LYZ: variants seen among roughly 807,000 people sequenced by gnomAD.
LYZ encodes the protein lysozyme.
LYZ carries 18 observed loss-of-function variants against 15.8 expected under a neutral mutation model. The ratio of observed to expected loss-of-function variants is 1.14; its 90% confidence interval spans 0.79 to 1.69. LYZ has a LOEUF of 1.69. Ranked by LOEUF, LYZ falls within the 40% of genes most tolerant of loss-of-function variation. The probability of loss-of-function intolerance (pLI) is 0.00; values close to 1 mark genes in which losing one functional copy is unlikely to be tolerated. For synonymous variants in LYZ, 60 were observed against 61.7 expected, an observed-to-expected ratio of 0.97 and a Z score of 0.13; for missense variants, 139 against 182.8, an observed-to-expected ratio of 0.76 and a Z score of 1.38.
chr12:69,349,387 C>G (rs1874792102), intron 1 of LYZ, among the ~76,000 whole-genome samples: 3 of 152,194 alleles, frequency 2.0e-5, no homozygotes, highest in Admixed American at 2.0e-4. Context: ...TCCCTTCAGT[C>G]ACTCTTTGTA....
intron 2 of LYZ, among the ~76,000 whole-genome samples, chr12:69,351,381 TTTATA>T (rs1874841359): frequency 6.6e-6 from 1 of 151,406 alleles, no homozygotes; most frequent in Non-Finnish European, 1.5e-5. Context: ...ATTAAAAAAA[TTTATA>T]TTATATAATA....
intron 2 of LYZ, among the ~76,000 whole-genome samples, chr12:69,351,252 C>A (rs571437062): frequency 1.3e-5 from 2 of 151,952 alleles, no homozygotes; most frequent in South Asian, 2.1e-4. Context: ...AATAGAAATA[C>A]CATGTGGAAT....
chr12:69,353,440 C>A lies in LYZ; in HGVS notation c.*221C>A. On this transcript the variant is annotated 3_prime_UTR_variant, in exon 4 of 4. Transcript: ENST00000261267. The stretch of plus-strand genomic sequence containing the variant: ...TTTCAGTTTGCAAATAGAACTAATA[C>A]TGGTGAAAATTTACCTAAAACCTTG... The A allele has an allele frequency of 1.7e-6, 1 of 594,712 alleles. No homozygotes were observed. The highest frequency in any genetic ancestry group is 3.0e-6 in the Non-Finnish European group (1 of 334,350). The allele number at this position is 594,712 out of a possible 1,614,324, so 36.8% of individuals were successfully genotyped here.
chr12:69,348,621 G>T lies in LYZ; in HGVS notation c.136+77G>T, dbSNP rs571592135. The T allele has an allele frequency of 3.3e-6, 5 of 1,523,704 alleles. No individual in the cohort carries two copies. The African/African-American group carries it at 5.5e-5, about 17-fold the overall frequency. 94.4% of individuals were successfully genotyped at this position (1,523,704 alleles called of 1,614,324 possible). The stretch of plus-strand genomic sequence containing the variant: ...CTAGGAGAGAAGGAAGAAGAAGAAG[G>T]GGCTTTGAGTGAATAGATGTTTTAT... On this transcript the variant is annotated intron_variant, in intron 1 of 3. Transcript: ENST00000261267.
intron 2 of LYZ, among the ~76,000 whole-genome samples, chr12:69,351,335 A>C (rs1045463406): frequency 2.0e-5 from 3 of 151,804 alleles, no homozygotes; most frequent in Non-Finnish European, 4.4e-5. Flanking sequence ...AAAATTCCCA[A>C]TAAAGAACAT....
chr12:69,354,034 T>C lies in LYZ; in HGVS notation c.*815T>C, dbSNP rs1874909924. 2 of 152,320 alleles carry C rather than the reference T, an allele frequency of 1.3e-5. No individual in the cohort carries two copies. The highest frequency in any genetic ancestry group is 4.1e-4 in the South Asian group (2 of 4,826). The allele number at this position is 152,320 out of a possible 1,614,324, so 9.4% of individuals were successfully genotyped here. A position where few individuals can be genotyped will look rare whatever the true frequency, so the allele number is the denominator to read the frequency against. ...TACCAAATGATAGAAACAGACTGCCTGAATTGAGAATTTTGATTTCTTAAA... is the reference window on the plus strand; with the variant it reads ...TACCAAATGATAGAAACAGACTGCCCGAATTGAGAATTTTGATTTCTTAAA... On this transcript the variant is annotated 3_prime_UTR_variant, in exon 4 of 4. Transcript: ENST00000261267.
In LYZ at chr12:69,353,459, A is replaced by C; in HGVS notation, c.*240A>C. 1.7e-6 allele frequency: 1 copy of C among 580,292 alleles called. No homozygotes were observed. Among genetic ancestry groups the C allele is most frequent in the Non-Finnish European group, 3.1e-6 (1 of 326,688 alleles). 35.9% of individuals were successfully genotyped at this position (580,292 alleles called of 1,614,324 possible). On this transcript the variant is annotated 3_prime_UTR_variant, in exon 4 of 4. Transcript: ENST00000261267. ...CTAATACTGGTGAAAATTTACCTAA[A>C]ACCTTGGTTATCAAATACATCTCCA...
intron 2 of LYZ, among the ~76,000 whole-genome samples, chr12:69,351,635 GCTT>G (rs1377154990): frequency 3.9e-5 from 6 of 152,054 alleles, no homozygotes; most frequent in Admixed American, 1.3e-4. Flanking sequence ...TTTACAATTT[GCTT>G]CTTATCACAC....
chr12:69,352,096 T>C, intron 2 of LYZ, 124 bp from the exon 3 acceptor site: 1 of 676,504 alleles, frequency 1.5e-6, no homozygotes, highest in Non-Finnish European at 2.7e-6. Context: ...ATTACACATA[T>C]ATGGACTCAT....
chr12:69,353,105 T>C, intron 3 of LYZ, 48 bp from the exon 4 acceptor site: 1 of 1,307,916 alleles, frequency 7.6e-7, no homozygotes, highest in Non-Finnish European at 1.1e-6. Context: ...TATATTACAA[T>C]GAAGATATGT....
intron 2 of LYZ, among the ~76,000 whole-genome samples, chr12:69,350,934 T>G (rs147486052): frequency 1.5e-4 from 23 of 151,898 alleles, no homozygotes; most frequent in Admixed American, 1.2e-3. Context: ...CCACCATGCC[T>G]GGCAAATTTT....
intron 1 of LYZ, 26 bp downstream of exon 1, chr12:69,348,570 A>C (rs1291707715): frequency 6.2e-7 from 1 of 1,613,820 alleles, no homozygotes; most frequent in African/African-American, 1.3e-5. Flanking sequence ...ATAATTCCAG[A>C]GAATTAGCTA....
chr12:69,353,497 C>CTCTTTTTTTTT lies in LYZ; in HGVS notation c.*279_*280insCTTTTTTTTTT, dbSNP rs1555173498. 1 of 252,662 alleles carries CTCTTTTTTTTT rather than the reference C, an allele frequency of 4.0e-6. No individual in the cohort carries two copies. The highest frequency in any genetic ancestry group is 3.1e-5 in the African/African-American group (1 of 32,688). 15.7% of individuals were successfully genotyped at this position (252,662 alleles called of 1,614,324 possible). A position where few individuals can be genotyped will look rare whatever the true frequency, so the allele number is the denominator to read the frequency against. Reference sequence around the variant, plus strand: ...AAATACATCTCCAGTACATTCCGTTCTTTTTTTTTTTGAGACAGTCTCGCT... The same window carrying CTCTTTTTTTTT: ...AAATACATCTCCAGTACATTCCGTTCTCTTTTTTTTTTTTTTTTTTTTGAGACAGTCTCGCT... On this transcript the variant is annotated 3_prime_UTR_variant, in exon 4 of 4. Transcript: ENST00000261267.
intron 2 of LYZ, chr12:69,350,619 T>C (rs1874821930): frequency 3.8e-6 from 1 of 264,430 alleles, no homozygotes; most frequent in African/African-American, 2.3e-5. Context: ...TTTACTTTTT[T>C]TTTTATGAAA....
chr12:69,353,431 GAACT>G lies in LYZ; in HGVS notation c.*215_*218del. 2 of 599,654 alleles carry G rather than the reference GAACT, an allele frequency of 3.3e-6. No individual in the cohort carries two copies. Among genetic ancestry groups the G allele is most frequent in the Non-Finnish European group, 5.9e-6 (2 of 336,504 alleles). The allele number at this position is 599,654 out of a possible 1,614,324, so 37.1% of individuals were successfully genotyped here. ...TACAACATTTTTCAGTTTGCAAATA[GAACT>G]AATACTGGTGAAAATTTACCTAAAA... On this transcript the variant is annotated 3_prime_UTR_variant, in exon 4 of 4. Coordinates refer to ENST00000261267, the MANE Select transcript of LYZ (RefSeq NM_000239.3).
chr12:69,348,402 A>G lies in LYZ; in HGVS notation c.-7A>G, dbSNP rs1874770503. 1.2e-6 allele frequency: 2 copies of G among 1,614,024 alleles called. No homozygotes were observed. Among genetic ancestry groups the G allele is most frequent in the Non-Finnish European group, 1.7e-6 (2 of 1,180,020 alleles). On this transcript the variant is annotated 5_prime_UTR_variant, in exon 1 of 4. Transcript: ENST00000261267. ...GGTCAGCCTAGCACTCTGACCTAGC[A>G]GTCAACATGAAGGCTCTCATTGTTC...
In LYZ at chr12:69,353,349, A is replaced by G. The variant is rs536078811; in HGVS notation, c.*130A>G. On this transcript the variant is annotated 3_prime_UTR_variant, in exon 4 of 4. Coordinates refer to ENST00000261267, the MANE Select transcript of LYZ (RefSeq NM_000239.3). ...ATTTTTACAGAAGCAGGAGCAAAAT[A>G]TGGCCTTTCTTCTAAGAGATATAAT... 1.3e-6 allele frequency: 1 copy of G among 776,402 alleles called. No individual in the cohort carries two copies. The highest frequency in any genetic ancestry group is 2.3e-6 in the Non-Finnish European group (1 of 430,808). The allele number at this position is 776,402 out of a possible 1,614,324, so 48.1% of individuals were successfully genotyped here.
chr12:69,350,631 G>A lies in LYZ; in HGVS notation c.301+359G>A, dbSNP rs74736576. On this transcript the variant is annotated intron_variant, in intron 2 of 3. Transcript: ENST00000261267. ...TGTTTTACTTTTTTTTTTATGAAAT[G>A]TTCTAAATGTATAGAAAATTAGAGA... is the stretch of plus-strand genomic sequence containing the variant. The A allele has an allele frequency of 4.2e-3, 975 of 230,446 alleles. 18 individuals are homozygous for A. Among genetic ancestry groups the A allele is most frequent in the African/African-American group, 0.022 (916 of 41,544 alleles). 14.3% of individuals were successfully genotyped at this position (230,446 alleles called of 1,614,324 possible).
At position 69,352,233 on chromosome 12, in the gene LYZ, T is replaced by C. The variant is rs757910877; in HGVS notation, c.315T>C (p.Asp105=). The change falls in exon 3 of 4, where the codon GAT becomes GAC. Residue 105 remains aspartate, a synonymous_variant. Coordinates refer to ENST00000261267, the MANE Select transcript of LYZ (RefSeq NM_000239.3). The stretch of plus-strand genomic sequence containing the variant: ...CCTGTCTTTCAGCTTTGCTGCAAGA[T>C]AACATCGCTGATGCTGTAGCTTGTG... ...CHLSCSALLQ[D]NIADAVACAK... 1.2e-6 allele frequency: 2 copies of C among 1,613,510 alleles called. No individual in the cohort carries two copies. The highest frequency in any genetic ancestry group is 2.2e-5 in the East Asian group (1 of 44,858).
Sources: allele counts gnomAD v4.1 joint callset (sites outside exome capture counted in the v4.1 genomes callset), GRCh38; gene constraint gnomAD v4.1.1; transcripts MANE v1.5; gene names NCBI Gene and HGNC (gene_info 2026-07-23, HGNC 2026-07-21).